Variants in ZC3H12D observed in about 807,000 individuals in gnomAD.
The protein encoded by ZC3H12D is probable ribonuclease ZC3H12D.
Under a neutral mutation model 24.2 loss-of-function variants are expected in ZC3H12D, and 11 were observed. That is an observed-to-expected ratio of 0.46 (90% confidence interval 0.29 to 0.75). The LOEUF is 0.75. Among genes scored for constraint, ZC3H12D ranks in the 30% least tolerant of loss-of-function variants. ZC3H12D has a pLI of 0.11. For missense variants in ZC3H12D, 740 were observed against 767.7 expected (o/e 0.96, Z 0.43); for synonymous variants, 333 against 341.8 (o/e 0.97, Z 0.28).
chr6:149,451,702 G>C (rs1775900024), intron 5 of ZC3H12D, among the ~76,000 whole-genome samples: 1 of 152,332 alleles, frequency 6.6e-6, no homozygotes, highest in Admixed American at 6.5e-5. Context: ...AGGCGCGGGC[G>C]GCCTGGGTGA....
Position 149,456,929 on chromosome 6 carries a change from G to T in ZC3H12D, c.446-29C>A, listed in dbSNP as rs753951870. The T allele has an allele frequency of 1.0e-5, 16 of 1,582,746 alleles. No individual in the cohort carries two copies. Among genetic ancestry groups the T allele is most frequent in the South Asian group, 8.9e-5 (8 of 90,394 alleles). The stretch of plus-strand genomic sequence containing the variant: ...AGGGCGGGGCGACGGAGACGCGGGT[G>T]AGGGCCCAAGGGCACCGCCCCTGAG... On this transcript the variant is annotated intron_variant, in intron 3 of 5. Coordinates refer to ENST00000409806, the MANE Select transcript of ZC3H12D (RefSeq NM_207360.3). The surrounding 1 kb of genome is among the most constrained non-coding windows in gnomAD (Gnocchi z 4.3).
intron 1 of ZC3H12D, among the ~76,000 whole-genome samples, chr6:149,484,080 C>T (rs1006984391): frequency 1.3e-5 from 2 of 152,152 alleles, no homozygotes; most frequent in African/African-American, 4.8e-5. Context: ...AGCATTTAAG[C>T]CCCGATCCAC....
chr6:149,482,000 G>T lies in ZC3H12D; in HGVS notation c.-71+2813C>A, dbSNP rs151302998. Among the ~76,000 whole-genome samples the T allele has an allele frequency of 1.2e-4, 19 of 152,370 alleles. No homozygotes were observed. The East Asian group carries it at 3.7e-3, about 29-fold the overall frequency. On this transcript the variant is annotated intron_variant, in intron 1 of 5. Coordinates refer to ENST00000409806, the MANE Select transcript of ZC3H12D (RefSeq NM_207360.3). ...CGTTTCCAAAATGAAAACACTGGGG[G>T]CTTTCGCCTGGAGGGGCGCAGGGAC...
At position 149,455,924 on chromosome 6, in the gene ZC3H12D, T is replaced by C. The variant is rs145246611; in HGVS notation, c.680+742A>G. On this transcript the variant is annotated intron_variant, in intron 4 of 5. Transcript: ENST00000409806. ...CAAAGAAAAAAAAAAATCTGTTGCC[T>C]ACTCCCATATGTAATTCAAAATTTT... Among the ~76,000 whole-genome samples the C allele has an allele frequency of 1.3e-3, 194 of 144,274 alleles. 1 individual carries two copies. The highest frequency in any genetic ancestry group is 4.9e-3 in the African/African-American group (189 of 38,244). 94.6% of individuals were successfully genotyped at this position (144,274 alleles called of 152,430 possible).
Position 149,461,931 on chromosome 6 carries a change from C to T in ZC3H12D, c.345G>A (p.Lys115=), listed in dbSNP as rs1311334672. The change falls in exon 3 of 6, where the codon AAG becomes AAA. Residue 115 remains lysine, a synonymous_variant. Transcript: ENST00000409806. The stretch of plus-strand genomic sequence containing the variant: ...TGTCCCTGAACCAGTCAACAGCCAG[C>T]TTGATTCCCCGGCAAGAGAAGGTTT... ...NKETFSCRGI[K]LAVDWFRDRG... is the part of the protein sequence containing the mutation. 1 of 1,612,038 alleles carries T rather than the reference C, an allele frequency of 6.2e-7. No individual in the cohort carries two copies. Among genetic ancestry groups the T allele is most frequent in the African/African-American group, 1.3e-5 (1 of 75,014 alleles).
At chr6:149,468,613 C>T (rs755488747) in intron 2 of ZC3H12D, among the ~76,000 whole-genome samples, 1 of 152,164 alleles carries the variant, frequency 6.6e-6, no homozygotes, top group Non-Finnish European at 1.5e-5. Flanking sequence ...CAATTGCAAA[C>T]ACTCTGACCC....
chr6:149,456,910 G>A lies in ZC3H12D; in HGVS notation c.446-10C>T. The A allele has an allele frequency of 6.3e-7, 1 of 1,590,788 alleles. No individual in the cohort carries two copies. The highest frequency in any genetic ancestry group is 8.5e-7 in the Non-Finnish European group (1 of 1,172,008). Reference sequence around the variant, plus strand: ...GCCAGCACGTGCTGCTCTGAGGGCGGGGCGACGGAGACGCGGGTGAGGGCC... The same window carrying A: ...GCCAGCACGTGCTGCTCTGAGGGCGAGGCGACGGAGACGCGGGTGAGGGCC... On this transcript the variant is annotated splice_polypyrimidine_tract_variant and intron_variant, in intron 3 of 5. Transcript: ENST00000409806. This position sits in a 1 kb window ranked among gnomAD's most constrained non-coding sequence, Gnocchi z 4.3.
At position 149,482,348 on chromosome 6, in the gene ZC3H12D, G is replaced by A. The variant is rs547837223; in HGVS notation, c.-71+2465C>T. Among the ~76,000 whole-genome samples the A allele has an allele frequency of 1.4e-4, 22 of 152,362 alleles. No homozygotes were observed. The East Asian group carries it at 1.5e-3, about 11-fold the overall frequency. ...GCTGCAGCTCTGCCAGCCGCGTCTC[G>A]TTTCCTCCTTCCTATTTTGAAGACC... On this transcript the variant is annotated intron_variant, in intron 1 of 5. Transcript: ENST00000409806.
In ZC3H12D at chr6:149,456,616, G is replaced by GGGGGAGGGCCC; in HGVS notation, c.680+49_680+50insGGGCCCTCCCC. 6 of 1,130,400 alleles carry GGGGGAGGGCCC rather than the reference G, an allele frequency of 5.3e-6. No individual in the cohort carries two copies. Among genetic ancestry groups the GGGGGAGGGCCC allele is most frequent in the East Asian group, 2.5e-5 (1 of 39,792 alleles). 70.0% of individuals were successfully genotyped at this position (1,130,400 alleles called of 1,614,324 possible). Reference sequence around the variant, plus strand: ...AGGCGTGGCCACTGCCTCGACCCCGGCCCCCCGCCCCGCCGCCCCCCAGGG... The same window carrying GGGGGAGGGCCC: ...AGGCGTGGCCACTGCCTCGACCCCGGGGGGAGGGCCCCCCCCCGCCCCGCCGCCCCCCAGGG... On this transcript the variant is annotated intron_variant, in intron 4 of 5. Transcript: ENST00000409806. The surrounding 1 kb of genome is among the most constrained non-coding windows in gnomAD (Gnocchi z 4.3).
Position 149,462,041 on chromosome 6 carries a change from C to G in ZC3H12D, c.306-71G>C, listed in dbSNP as rs575616721. 9.9e-6 allele frequency: 15 copies of G among 1,522,456 alleles called. No homozygotes were observed. In the African/African-American group the frequency reaches 1.1e-4, roughly 11 times the overall value. 94.3% of individuals were successfully genotyped at this position (1,522,456 alleles called of 1,614,324 possible). On this transcript the variant is annotated intron_variant, in intron 2 of 5. Coordinates refer to ENST00000409806, the MANE Select transcript of ZC3H12D (RefSeq NM_207360.3). ...CTAAGAGTGATTTCCCTGCGAATAT[C>G]CTGGATCACAGTCTCATAATCAAGA...
chr6:149,474,224 A>T lies in ZC3H12D; in HGVS notation c.305+15T>A. ...GGGCCTCCCCAGCCCCAGCTACAGG[A>T]TGAAGGGAAGCTACCTCATCGCCAC... On this transcript the variant is annotated intron_variant, in intron 2 of 5. Coordinates refer to ENST00000409806, the MANE Select transcript of ZC3H12D (RefSeq NM_207360.3). The T allele has an allele frequency of 6.8e-7, 1 of 1,465,556 alleles. No individual in the cohort carries two copies. The highest frequency in any genetic ancestry group is 9.1e-7 in the Non-Finnish European group (1 of 1,098,600). 90.8% of individuals were successfully genotyped at this position (1,465,556 alleles called of 1,614,324 possible).
At position 149,480,552 on chromosome 6, in the gene ZC3H12D, C is replaced by T. The variant is rs1271657472; in HGVS notation, c.-71+4261G>A. Among the ~76,000 whole-genome samples, 4 of 152,294 alleles carry T rather than the reference C, an allele frequency of 2.6e-5. No individual in the cohort carries two copies. The East Asian group carries it at 5.8e-4, about 22-fold the overall frequency. ...AGCCCAAGCAGACCAGCCTGACCAA[C>T]GTGGAGAAACCCTGTCTCTACTAAA... is the stretch of plus-strand genomic sequence containing the variant. On this transcript the variant is annotated intron_variant, in intron 1 of 5. Transcript: ENST00000409806.
intron 2 of ZC3H12D, among the ~76,000 whole-genome samples, chr6:149,465,570 C>T (rs1439794177): frequency 4.6e-5 from 7 of 151,828 alleles, no homozygotes; most frequent in Non-Finnish European, 8.8e-5. Flanking sequence ...CTGGCTAACA[C>T]GGTGAAATCC....
At position 149,447,671 on chromosome 6, in the gene ZC3H12D, T is replaced by C. The variant is rs1342896514; in HGVS notation, c.*3012A>G. On this transcript the variant is annotated 3_prime_UTR_variant, in exon 6 of 6. Coordinates refer to ENST00000409806, the MANE Select transcript of ZC3H12D (RefSeq NM_207360.3). Reference sequence around the variant, plus strand: ...ATTTTTGAAGCATGGTTAACAGCTATGCAACTAGGAACATTTCATTTACCT... The same window carrying C: ...ATTTTTGAAGCATGGTTAACAGCTACGCAACTAGGAACATTTCATTTACCT... 1.3e-5 allele frequency: 2 copies of C among 152,244 alleles called. No homozygotes were observed. The highest frequency in any genetic ancestry group is 4.8e-5 in the African/African-American group (2 of 41,468). The allele number at this position is 152,244 out of a possible 1,614,324, so 9.4% of individuals were successfully genotyped here.
Position 149,448,643 on chromosome 6 carries a change from G to A in ZC3H12D, c.*2040C>T, listed in dbSNP as rs534051485. On this transcript the variant is annotated 3_prime_UTR_variant, in exon 6 of 6. Coordinates refer to ENST00000409806, the MANE Select transcript of ZC3H12D (RefSeq NM_207360.3). ...ATCTTCAGGCCTGAGATCCCAATAT[G>A]TTATGGTAAAATTGTGGGTGCACCG... 2 of 152,210 alleles carry A rather than the reference G, an allele frequency of 1.3e-5. No homozygotes were observed. The highest frequency in any genetic ancestry group is 2.9e-5 in the Non-Finnish European group (2 of 68,040). 9.4% of individuals were successfully genotyped at this position (152,210 alleles called of 1,614,324 possible).
In ZC3H12D at chr6:149,456,962, C is replaced by T. The variant is rs1775994930; in HGVS notation, c.446-62G>A. ...AAGGGCACCGCCCCTGAGAACCACCCCCAACGCGAGGCCACCCGCTTCCCG... is the reference window on the plus strand; with the variant it reads ...AAGGGCACCGCCCCTGAGAACCACCTCCAACGCGAGGCCACCCGCTTCCCG... On this transcript the variant is annotated intron_variant, in intron 3 of 5. Coordinates refer to ENST00000409806, the MANE Select transcript of ZC3H12D (RefSeq NM_207360.3). This position sits in a 1 kb window ranked among gnomAD's most constrained non-coding sequence, Gnocchi z 4.3. 2.0e-6 allele frequency: 3 copies of T among 1,515,638 alleles called. No individual in the cohort carries two copies. The highest frequency in any genetic ancestry group is 2.7e-6 in the Non-Finnish European group (3 of 1,119,902). 93.9% of individuals were successfully genotyped at this position (1,515,638 alleles called of 1,614,324 possible).
chr6:149,465,219 T>C (rs1776132108), intron 2 of ZC3H12D, among the ~76,000 whole-genome samples: 1 of 152,008 alleles, frequency 6.6e-6, no homozygotes, highest in Non-Finnish European at 1.5e-5. Context: ...CTGGGTGTGG[T>C]GGCACGTGCC....
intron 2 of ZC3H12D, among the ~76,000 whole-genome samples, chr6:149,465,766 A>G (rs371371611): frequency 0.02 from 2,858 of 143,714 alleles, 91 homozygotes; most frequent in African/African-American, 0.07. Flanking sequence ...AAAAAAAAAA[A>G]GGGGGGGGGA....
chr6:149,450,946 G>C lies in ZC3H12D; in HGVS notation c.1321C>G (p.Pro441Ala). 1 of 1,537,982 alleles carries C rather than the reference G, an allele frequency of 6.5e-7. No homozygotes were observed. The change falls in exon 6 of 6, where the codon CCC (proline) becomes GCC (alanine). Residue 441 changes from proline to alanine, a missense_variant. By Grantham distance (27) the Pro-to-Ala change is conservative (BLOSUM62 -1). Transcript: ENST00000409806. ...CGCCCAGGGAAGCGGTCGGAGCGGGGTGGACGGGCCCACGGGTCGTCGGGT... is the reference window on the plus strand; with the variant it reads ...CGCCCAGGGAAGCGGTCGGAGCGGGCTGGACGGGCCCACGGGTCGTCGGGT... ...RPPDDPWARP[P>A]RSDRFPGRSV... is the part of the protein sequence containing the mutation.
Sources: gnomAD v4.1 joint callset for allele counts (sites outside exome capture counted in the v4.1 genomes callset) on GRCh38, gnomAD v4.1.1 for gene constraint, Gnocchi (gnomAD v3.1) non-coding constraint, MANE v1.5 for transcripts, NCBI Gene and HGNC (gene_info 2026-07-23, HGNC 2026-07-21) for gene names.